Variants in ADAMTS17 observed in about 807,000 individuals in gnomAD.
ADAMTS17 encodes the protein ADAM metallopeptidase with thrombospondin type 1 motif 17.
A neutral mutation model predicts 141.5 loss-of-function variants in ADAMTS17; 113 were observed. The ratio of observed to expected loss-of-function variants is 0.80; its 90% CI spans 0.69 to 0.93. The LOEUF (loss-of-function observed/expected upper bound fraction) is 0.93, where lower values mean the gene tolerates loss of function less well. Ranked by LOEUF, ADAMTS17 falls within the 40% of genes least tolerant of loss-of-function variation. The pLI, the probability that ADAMTS17 is intolerant of heterozygous loss-of-function variation, is 0.00. For synonymous variants in ADAMTS17, 768 were observed against 630.6 expected, an observed-to-expected ratio of 1.22 and a Z score of -3.27; for missense variants, 1,659 against 1,517.9, an observed-to-expected ratio of 1.09 and a Z score of -1.54.
chr15:100,133,090 C>T, intron 11 of ADAMTS17, 124 bp downstream of exon 11: 1 of 931,380 alleles, frequency 1.1e-6, no homozygotes, highest in East Asian at 2.6e-5. Flanking sequence ...ATGGGCATTT[C>T]TGTGCCGCCT....
intron 13 of ADAMTS17, among the ~76,000 whole-genome samples, chr15:100,110,105 A>T (rs1337937153): frequency 2.7e-5 from 4 of 147,268 alleles, no homozygotes; most frequent in Non-Finnish European, 1.5e-5. Context: ...AGGGCAGGGG[A>T]CTTAAGCTTT....
In ADAMTS17 at chr15:100,152,747, G is replaced by C. The variant is rs756452347; in HGVS notation, c.1338C>G (p.Thr446=). 4 of 1,614,096 alleles carry C rather than the reference G, an allele frequency of 2.5e-6. No individual in the cohort carries two copies. Among genetic ancestry groups the C allele is most frequent in the African/African-American group, 2.7e-5 (2 of 74,936 alleles). ...LENFLKSKVS[T]CLLVTDPRSQ... The stretch of plus-strand genomic sequence containing the variant: ...TTCTGGGGTCCGTGACTAGCAAGCA[G>C]GTGCTGACTTTTGACCTGAAACAGC... Residue 446 remains threonine, a synonymous_variant, in exon 10 of 22, where the codon ACC becomes ACG. Coordinates refer to ENST00000268070, the MANE Select transcript of ADAMTS17 (RefSeq NM_139057.4).
At chr15:100,150,301 C>T (rs2141341273) in intron 10 of ADAMTS17, among the ~76,000 whole-genome samples, 1 of 152,298 alleles carries the variant, frequency 6.6e-6, no homozygotes, top group East Asian at 1.9e-4. Flanking sequence ...TAAAATACCA[C>T]ATCCCCTGCC....
At chr15:99,987,661 C>T (rs529287507) in intron 20 of ADAMTS17, among the ~76,000 whole-genome samples, 2 of 152,302 alleles carry the variant, frequency 1.3e-5, no homozygotes, top group East Asian at 3.9e-4. Context: ...AAGCCTCATC[C>T]CATGGAATCT....
intron 8 of ADAMTS17, among the ~76,000 whole-genome samples, chr15:100,181,027 G>A (rs375791807): frequency 2.2e-4 from 33 of 152,290 alleles, no homozygotes; most frequent in African/African-American, 7.5e-4. Context: ...ACTCAAACTA[G>A]AGACAAAGTC....
chr15:100,065,921 T>C (rs184402009), intron 15 of ADAMTS17, among the ~76,000 whole-genome samples: 173 of 152,340 alleles, frequency 1.1e-3, no homozygotes, highest in African/African-American at 4.0e-3. Context: ...TTCCCCTCTC[T>C]GTATCCATGA....
chr15:100,152,531 G>A (rs2039219556), intron 10 of ADAMTS17, 81 bp downstream of exon 10: 9 of 1,585,908 alleles, frequency 5.7e-6, no homozygotes, highest in East Asian at 2.2e-5. Context: ...GAATGCCCAT[G>A]TCCTCCAGCA....
At chr15:100,026,269 C>A (rs1272963229) in intron 18 of ADAMTS17, among the ~76,000 whole-genome samples, 1 of 152,192 alleles carries the variant, frequency 6.6e-6, no homozygotes, top group Non-Finnish European at 1.5e-5. Flanking sequence ...TATGACTAGA[C>A]CACAATCCAT....
chr15:100,142,903 A>G (rs183992741), intron 10 of ADAMTS17, among the ~76,000 whole-genome samples: 63 of 152,344 alleles, frequency 4.1e-4, no homozygotes, highest in African/African-American at 1.5e-3. Context: ...CAGCGGCATA[A>G]CATGCACACC....
At chr15:100,155,413 C>A (rs2039387886) in intron 8 of ADAMTS17, 93 bp from the exon 9 acceptor site, 1 of 1,535,836 alleles carries the variant, frequency 6.5e-7, no homozygotes, top group Non-Finnish European at 8.8e-7. Context: ...TAAATCAAGT[C>A]TTAAAAACAA....
At chr15:100,068,691 C>T (rs2141706734) in intron 15 of ADAMTS17, among the ~76,000 whole-genome samples, 1 of 152,324 alleles carries the variant, frequency 6.6e-6, no homozygotes, top group South Asian at 2.1e-4. Flanking sequence ...AGCTGAGGGT[C>T]CTGACTGTTA....
chr15:100,162,727 G>GTATATATATGCACATATACACAT (rs1567285199), intron 8 of ADAMTS17, among the ~76,000 whole-genome samples: 4 of 131,464 alleles, frequency 3.0e-5, no homozygotes, highest in African/African-American at 5.5e-5. Context: ...CATTATATGT[G>GTATATATATGCACATATACACAT]TATATATATG....
At chr15:100,298,916 G>C (rs1178347241) in intron 3 of ADAMTS17, among the ~76,000 whole-genome samples, 1 of 152,144 alleles carries the variant, frequency 6.6e-6, no homozygotes, top group Non-Finnish European at 1.5e-5. Flanking sequence ...AGAGTCAGTG[G>C]GGTTGGTTTC....
intron 10 of ADAMTS17, among the ~76,000 whole-genome samples, chr15:100,139,734 A>G (rs2038528860): frequency 1.3e-5 from 2 of 152,226 alleles, no homozygotes; most frequent in South Asian, 4.1e-4. Flanking sequence ...AGAACACATC[A>G]GACAAACCCA....
intron 18 of ADAMTS17, among the ~76,000 whole-genome samples, chr15:100,048,518 T>A (rs1353012364): frequency 1.3e-5 from 2 of 151,810 alleles, no homozygotes; most frequent in African/African-American, 4.8e-5. Flanking sequence ...CAGACTCCAA[T>A]ATTTGTTTCC....
intron 15 of ADAMTS17, among the ~76,000 whole-genome samples, chr15:100,061,105 A>G (rs1024021013): frequency 6.6e-6 from 1 of 152,116 alleles, no homozygotes; most frequent in African/African-American, 2.4e-5. Flanking sequence ...CGTTAAACCA[A>G]TCTCCGTGGG....
intron 18 of ADAMTS17, among the ~76,000 whole-genome samples, chr15:100,016,817 G>A (rs1243378984): frequency 1.3e-5 from 2 of 152,216 alleles, no homozygotes; most frequent in Non-Finnish European, 2.9e-5. Context: ...TGGTGGTTTA[G>A]TATTCTATTT....
chr15:99,988,732 T>C (rs1281094065), intron 20 of ADAMTS17, among the ~76,000 whole-genome samples: 2 of 152,162 alleles, frequency 1.3e-5, no homozygotes, highest in East Asian at 3.9e-4. Context: ...GGCTCCATCT[T>C]ACCTGACAGG....
chr15:100,086,562 C>G (rs1596384036), intron 15 of ADAMTS17, among the ~76,000 whole-genome samples: 2 of 152,254 alleles, frequency 1.3e-5, no homozygotes, highest in East Asian at 3.9e-4. Flanking sequence ...AGCACCACAC[C>G]ACACTTATTC....
Sources: allele counts gnomAD v4.1 joint callset (sites outside exome capture counted in the v4.1 genomes callset), GRCh38; gene constraint gnomAD v4.1.1; transcripts MANE v1.5; gene names NCBI Gene and HGNC (gene_info 2026-07-23, HGNC 2026-07-21).